BRAP: variants seen among roughly 807,000 people sequenced by gnomAD.
The protein encoded by BRAP is BRCA1-associated protein.
In BRAP, 42 loss-of-function variants were observed where a neutral mutation model predicts 73.4. The ratio of observed to expected loss-of-function variants is 0.57; its 90% CI spans 0.45 to 0.74. The LOEUF (loss-of-function observed/expected upper bound fraction) is 0.74. Among genes scored for constraint, BRAP ranks in the 30% least tolerant of loss-of-function variants. The pLI is 0.00. For missense variants in BRAP, 593 were observed against 751.4 expected, an observed-to-expected ratio of 0.79 and a Z score of 2.46; for synonymous variants, 255 against 267.4, an observed-to-expected ratio of 0.95 and a Z score of 0.45.
intron 11 of BRAP, among the ~76,000 whole-genome samples, chr12:111,646,401 A>C (rs1464180524): frequency 6.6e-6 from 1 of 152,246 alleles, no homozygotes; most frequent in Non-Finnish European, 1.5e-5. Context: ...GAGACATGAG[A>C]AAAGAGGCAC....
chr12:111,670,240 G>A, intron 5 of BRAP: 1 of 600,648 alleles, frequency 1.7e-6, no homozygotes, highest in Non-Finnish European at 3.3e-6. Flanking sequence ...TCTCAATGCT[G>A]CGACTGGAAC....
In BRAP at chr12:111,677,270, G is replaced by A. The variant is rs577940717; in HGVS notation, c.633+1881C>T. Among the ~76,000 whole-genome samples the A allele has an allele frequency of 6.6e-5, 10 of 152,160 alleles. No homozygotes were observed. The South Asian group carries it at 2.1e-3, about 32-fold the overall frequency. On this transcript the variant is annotated intron_variant, in intron 4 of 11. Coordinates refer to ENST00000419234, the MANE Select transcript of BRAP (RefSeq NM_006768.5). ...ACATTTTTTTCCCAATCTATTTCTG[G>A]GTCTTTTCCTTTGTTACTTGCTTAT...
intron 5 of BRAP, among the ~76,000 whole-genome samples, chr12:111,667,220 T>C (rs1488150037): frequency 6.6e-6 from 1 of 152,186 alleles, no homozygotes; most frequent in Non-Finnish European, 1.5e-5. Context: ...GAACAAGTGT[T>C]AGGAATATAC....
Position 111,644,579 on chromosome 12 carries a change from G to T in BRAP, c.1416-17C>A, listed in dbSNP as rs1272202338. ...TGAGTGCACCTTTTGAAAAACAAAGGAAGACAAAAGCACATTTTTCATTTG... is the reference window on the plus strand; with the variant it reads ...TGAGTGCACCTTTTGAAAAACAAAGTAAGACAAAAGCACATTTTTCATTTG... On this transcript the variant is annotated splice_polypyrimidine_tract_variant and intron_variant, in intron 11 of 11. Coordinates refer to ENST00000419234, the MANE Select transcript of BRAP (RefSeq NM_006768.5). 12 of 1,607,228 alleles carry T rather than the reference G, an allele frequency of 7.5e-6. No individual in the cohort carries two copies. Among genetic ancestry groups the T allele is most frequent in the Non-Finnish European group, 1.0e-5 (12 of 1,175,406 alleles).
intron 4 of BRAP, 74 bp from the exon 5 acceptor site, chr12:111,672,848 A>G (rs1887232414): frequency 8.5e-7 from 1 of 1,171,454 alleles, no homozygotes; most frequent in Non-Finnish European, 1.2e-6. Context: ...TTCAATATGC[A>G]TGGCTTTATT....
intron 2 of BRAP, among the ~76,000 whole-genome samples, chr12:111,682,918 G>C (rs1447463327): frequency 6.6e-6 from 1 of 151,594 alleles, no homozygotes; most frequent in Non-Finnish European, 1.5e-5. Context: ...AAAAAAAAAA[G>C]TCCCCCCCGT....
At chr12:111,659,818 A>G (rs1430112309) in intron 7 of BRAP, among the ~76,000 whole-genome samples, 3 of 152,126 alleles carry the variant, frequency 2.0e-5, no homozygotes, top group African/African-American at 7.2e-5. Context: ...GGAGTTTAAG[A>G]CCAGCTTGGG....
rs769137574 is a variant in BRAP, at chr12:111,685,708, C to G, written c.82+3G>C. On this transcript the variant is annotated splice_donor_region_variant and intron_variant, in intron 1 of 11. Coordinates refer to ENST00000419234, the MANE Select transcript of BRAP (RefSeq NM_006768.5). ...GGGAATGCGGCGAGGCCGCGGGACT[C>G]ACCCGCGGCGCTGAAGCCGAAGCCG... 5 of 1,603,240 alleles carry G rather than the reference C, an allele frequency of 3.1e-6. No homozygotes were observed. Among genetic ancestry groups the G allele is most frequent in the Non-Finnish European group, 4.2e-6 (5 of 1,176,684 alleles).
At chr12:111,680,718 CAAAAAACAAAACAAAAAACAAAAT>C (rs1385657521) in intron 3 of BRAP, among the ~76,000 whole-genome samples, 1 of 151,176 alleles carries the variant, frequency 6.6e-6, no homozygotes, top group African/African-American at 2.4e-5. Context: ...AAAAACAAAA[CAAAAAACAAAACAAAAAACAAAAT>C]GGCTACCTGA....
chr12:111,670,032 T>A, intron 5 of BRAP: 1 of 633,876 alleles, frequency 1.6e-6, no homozygotes, highest in East Asian at 3.4e-5. Context: ...TGGTTCACTA[T>A]CTTCATCTTC....
intron 10 of BRAP, 114 bp downstream of exon 10, chr12:111,655,452 C>T (rs1886492537): frequency 1.2e-6 from 1 of 815,920 alleles, no homozygotes; most frequent in Non-Finnish European, 2.0e-6. Context: ...TATTACCTGC[C>T]TGAGAAGGGA....
chr12:111,677,450 T>C (rs576049656), intron 4 of BRAP, among the ~76,000 whole-genome samples: 1 of 152,290 alleles, frequency 6.6e-6, no homozygotes, highest in Non-Finnish European at 1.5e-5. Context: ...TTGCTTGTCA[T>C]TTATGTCTAG....
intron 4 of BRAP, 69 bp from the exon 5 acceptor site, chr12:111,672,843 T>C (rs1440671941): frequency 8.3e-7 from 1 of 1,202,508 alleles, no homozygotes; most frequent in East Asian, 2.4e-5. Flanking sequence ...TTATATTCAA[T>C]ATGCATGGCT....
At chr12:111,676,228 A>G (rs1229443658) in intron 4 of BRAP, among the ~76,000 whole-genome samples, 5 of 152,186 alleles carry the variant, frequency 3.3e-5, no homozygotes, top group Non-Finnish European at 7.4e-5. Context: ...AAAAATTACC[A>G]AAGATAAAGA....
rs146647761 is a variant in BRAP at position 111,654,764 on chromosome 12, C to T, written c.1311+802G>A. On this transcript the variant is annotated intron_variant, in intron 10 of 11. Transcript: ENST00000419234. ...GGGCCCCAAGCCCAGCTCTGTACTG[C>T]CTATCTGAAGGCCCAAGGATAGGTG... Among the ~76,000 whole-genome samples the T allele has an allele frequency of 2.6e-3, 400 of 152,276 alleles. 1 individual carries two copies. The highest frequency in any genetic ancestry group is 9.0e-3 in the African/African-American group (373 of 41,572).
chr12:111,645,988 TCAAA>T (rs1886097012), intron 11 of BRAP, among the ~76,000 whole-genome samples: 2 of 151,880 alleles, frequency 1.3e-5, no homozygotes, highest in Admixed American at 6.6e-5. Context: ...AGATCTTGTC[TCAAA>T]CAAACAACCC....
At chr12:111,681,996 G>A (rs1235179708) in intron 2 of BRAP, among the ~76,000 whole-genome samples, 161 bp from the exon 3 acceptor site, 1 of 152,104 alleles carries the variant, frequency 6.6e-6, no homozygotes, top group Non-Finnish European at 1.5e-5. Flanking sequence ...GTTTATGAGG[G>A]CATCATACTT....
At position 111,642,849 on chromosome 12, in the gene BRAP, T is replaced by C. The variant is rs1184101263; in HGVS notation, c.*1350A>G. On this transcript the variant is annotated 3_prime_UTR_variant, in exon 12 of 12. Coordinates refer to ENST00000419234, the MANE Select transcript of BRAP (RefSeq NM_006768.5). ...CAGCACATCCCACAAAAACAGATGGTGATTAGTGATACAGTTGATGTGCTA... is the reference window on the plus strand; with the variant it reads ...CAGCACATCCCACAAAAACAGATGGCGATTAGTGATACAGTTGATGTGCTA... 1.3e-5 allele frequency: 2 copies of C among 152,152 alleles called. No individual in the cohort carries two copies. The highest frequency in any genetic ancestry group is 1.9e-4 in the East Asian group (1 of 5,202). 9.4% of individuals were successfully genotyped at this position (152,152 alleles called of 1,614,324 possible). A position where few individuals can be genotyped will look rare whatever the true frequency, so the allele number is the denominator to read the frequency against.
At chr12:111,679,876 C>CAA (rs398044813) in intron 3 of BRAP, among the ~76,000 whole-genome samples, 13 of 72,066 alleles carry the variant, frequency 1.8e-4, no homozygotes, top group Admixed American at 3.4e-4. Context: ...GACTCCATCT[C>CAA]AAAAAAAAAA....
Sources: gnomAD v4.1 joint callset for allele counts (sites outside exome capture counted in the v4.1 genomes callset) on GRCh38, gnomAD v4.1.1 for gene constraint, MANE v1.5 for transcripts, NCBI Gene and HGNC (gene_info 2026-07-23, HGNC 2026-07-21) for gene names.